NEGR1: variants seen among roughly 807,000 people sequenced by gnomAD.
NEGR1 encodes IgLON family member 4.
NEGR1 carries 10 observed loss-of-function variants against 40.9 expected under a neutral mutation model. The ratio of observed to expected loss-of-function variants is 0.24; its 90% CI spans 0.15 to 0.42. NEGR1 has a LOEUF of 0.42. NEGR1 is among the 10% of genes least tolerant of loss of function. The probability of loss-of-function intolerance (pLI) is 1.00; values close to 1 mark genes in which losing one functional copy is unlikely to be tolerated. For synonymous variants in NEGR1, 185 were observed against 166.8 expected, an observed-to-expected ratio of 1.11 and a Z score of -0.84; for missense variants, 352 against 438.9, an observed-to-expected ratio of 0.80 and a Z score of 1.77.
rs879077998 is a variant in NEGR1 at position 72,273,833 on chromosome 1, TA to T, written c.176+8485del. On this transcript the variant is annotated intron_variant, in intron 1 of 6. Transcript: ENST00000357731. ...GGCAGGGACTGTTGATATATGGATT[TA>T]AAAAAAAAAACACTTAAATACATTC... Among the ~76,000 whole-genome samples, 1,112 of 145,942 alleles carry T rather than the reference TA, an allele frequency of 7.6e-3. 10 individuals are homozygous for T. The highest frequency in any genetic ancestry group is 0.023 in the African/African-American group (900 of 39,992).
In NEGR1 at chr1:71,399,167, A is replaced by G. The variant is rs1646230384; in HGVS notation, c.*8279T>C. On this transcript the variant is annotated 3_prime_UTR_variant, in exon 7 of 7. Coordinates refer to ENST00000357731, the MANE Select transcript of NEGR1 (RefSeq NM_173808.3). ...ATAAAACCATAAAAGCTTTGTTAAT[A>G]CATTTTGAAACCTGAATAATGAGAG... 1 of 152,182 alleles carries G rather than the reference A, an allele frequency of 6.6e-6. No individual in the cohort carries two copies. Among genetic ancestry groups the G allele is most frequent in the Non-Finnish European group, 1.5e-5 (1 of 68,038 alleles). The allele number at this position is 152,182 out of a possible 1,614,324, so 9.4% of individuals were successfully genotyped here.
chr1:72,191,704 C>T (rs1298678027), intron 1 of NEGR1, among the ~76,000 whole-genome samples: 2 of 151,744 alleles, frequency 1.3e-5, no homozygotes, highest in Non-Finnish European at 2.9e-5. Context: ...TATCAAAGTC[C>T]ACCTTTAAAC....
chr1:71,941,787 T>A (rs902695203), intron 1 of NEGR1, among the ~76,000 whole-genome samples: 2 of 152,170 alleles, frequency 1.3e-5, no homozygotes, highest in Non-Finnish European at 2.9e-5. Context: ...TTAAGCATGT[T>A]ATGTATATTT....
chr1:71,772,020 G>A (rs1193931276), intron 3 of NEGR1, among the ~76,000 whole-genome samples: 1 of 152,096 alleles, frequency 6.6e-6, no homozygotes, highest in Non-Finnish European at 1.5e-5. Context: ...TAAACTATAT[G>A]ATGTGGAAAT....
intron 3 of NEGR1, among the ~76,000 whole-genome samples, chr1:71,724,230 T>C (rs1654601248): frequency 6.6e-6 from 1 of 152,158 alleles, no homozygotes; most frequent in African/African-American, 2.4e-5. Flanking sequence ...ATTAAATTTT[T>C]CTTATGCAAT....
intron 4 of NEGR1, among the ~76,000 whole-genome samples, chr1:71,617,140 A>C (rs1447253559): frequency 6.6e-6 from 1 of 152,234 alleles, no homozygotes; most frequent in African/African-American, 2.4e-5. Context: ...CACCAAAAGC[A>C]TGATTCTCGT....
intron 6 of NEGR1, among the ~76,000 whole-genome samples, chr1:71,548,175 T>C (rs559035820): frequency 2.0e-5 from 3 of 151,874 alleles, no homozygotes; most frequent in African/African-American, 7.2e-5. Context: ...GAAACGGAGA[T>C]ATTATGTTTG....
intron 2 of NEGR1, among the ~76,000 whole-genome samples, chr1:71,842,494 T>C (rs987469054): frequency 6.6e-6 from 1 of 152,182 alleles, no homozygotes; most frequent in African/African-American, 2.4e-5. Context: ...TTAAGAAATT[T>C]CTCTAAATCT....
chr1:71,590,602 A>G lies in NEGR1; in HGVS notation c.940+2215T>C, dbSNP rs1242730200. ...TTAAGGTTTTGCTTTGTCACTAACCATTTGGCTTCAGCCACATTTATATTC... is the reference window on the plus strand; with the variant it reads ...TTAAGGTTTTGCTTTGTCACTAACCGTTTGGCTTCAGCCACATTTATATTC... On this transcript the variant is annotated intron_variant, in intron 6 of 6. Coordinates refer to ENST00000357731, the MANE Select transcript of NEGR1 (RefSeq NM_173808.3). Among the ~76,000 whole-genome samples, 6 of 152,210 alleles carry G rather than the reference A, an allele frequency of 3.9e-5. No homozygotes were observed. In the East Asian group the frequency reaches 7.7e-4, roughly 20 times the overall value.
chr1:72,247,993 G>A (rs1654956090), intron 1 of NEGR1, among the ~76,000 whole-genome samples: 1 of 152,008 alleles, frequency 6.6e-6, no homozygotes, highest in African/African-American at 2.4e-5. Context: ...GTGAAAGCAG[G>A]AGCGAGAGTG....
intron 4 of NEGR1, among the ~76,000 whole-genome samples, chr1:71,655,630 A>G (rs1338387418): frequency 1.3e-5 from 2 of 152,178 alleles, no homozygotes; most frequent in South Asian, 2.1e-4. Flanking sequence ...TGAAGCACCA[A>G]TTCTTGTTTT....
chr1:71,534,494 T>A (rs1479276168), intron 6 of NEGR1, among the ~76,000 whole-genome samples: 1 of 151,640 alleles, frequency 6.6e-6, no homozygotes, highest in Non-Finnish European at 1.5e-5. Flanking sequence ...ACAACAGATC[T>A]GGCATGAAAG....
chr1:72,139,936 C>G (rs1323575185), intron 1 of NEGR1, among the ~76,000 whole-genome samples: 2 of 152,170 alleles, frequency 1.3e-5, no homozygotes, highest in East Asian at 3.9e-4. Context: ...GCAGCTACTC[C>G]ACTTTCTTTG....
intron 6 of NEGR1, among the ~76,000 whole-genome samples, chr1:71,560,878 A>G (rs1648434021): frequency 6.6e-6 from 1 of 151,498 alleles, no homozygotes; most frequent in Non-Finnish European, 1.5e-5. Flanking sequence ...AAAGGGAAAA[A>G]TTCTCAAAAG....
intron 6 of NEGR1, among the ~76,000 whole-genome samples, chr1:71,433,029 A>C (rs1053420739): frequency 3.3e-5 from 5 of 152,340 alleles, no homozygotes; most frequent in Admixed American, 3.3e-4. Flanking sequence ...GGAACCTTTT[A>C]GAATCTGCAA....
chr1:71,752,774 G>A (rs1655613440), intron 3 of NEGR1, among the ~76,000 whole-genome samples: 2 of 151,580 alleles, frequency 1.3e-5, no homozygotes, highest in South Asian at 4.1e-4. Flanking sequence ...TTCCTGATAA[G>A]AGATTATTCA....
At chr1:72,012,537 T>A (rs1003654846) in intron 1 of NEGR1, among the ~76,000 whole-genome samples, 2 of 152,062 alleles carry the variant, frequency 1.3e-5, no homozygotes, top group African/African-American at 2.4e-5. Context: ...GGCTTGGACA[T>A]CATCCAATCA....
intron 1 of NEGR1, among the ~76,000 whole-genome samples, chr1:71,995,284 G>T (rs1202450390): frequency 6.6e-6 from 1 of 152,148 alleles, no homozygotes; most frequent in African/African-American, 2.4e-5. Flanking sequence ...ATTAATGGGA[G>T]AATTGACAAC....
At chr1:72,125,043 C>G (rs1649958035) in intron 1 of NEGR1, among the ~76,000 whole-genome samples, 1 of 151,998 alleles carries the variant, frequency 6.6e-6, no homozygotes, top group Non-Finnish European at 1.5e-5. Context: ...TTTGTCATCA[C>G]TGTACGTCAC....
Sources: allele counts gnomAD v4.1 joint callset (sites outside exome capture counted in the v4.1 genomes callset), GRCh38; gene constraint gnomAD v4.1.1; transcripts MANE v1.5; gene names NCBI Gene and HGNC (gene_info 2026-07-23, HGNC 2026-07-21).